The following TLN1 variants were observed in gnomAD, a reference collection of about 807,000 sequenced individuals.
The protein encoded by TLN1 is talin-1.
Under a neutral mutation model 292.3 loss-of-function variants are expected in TLN1, and 56 were observed. That is an observed-to-expected ratio of 0.19 (90% CI 0.15 to 0.24). The LOEUF is 0.24. Ranked by LOEUF, TLN1 falls within the 10% of genes least tolerant of loss-of-function variation. The pLI is 1.00. For synonymous variants in TLN1, 1,119 were observed against 1,253.7 expected (o/e 0.89, Z 2.27); for missense variants, 2,433 against 3,248.2 (o/e 0.75, Z 6.10).
chr9:35,714,157 G>T lies in TLN1; in HGVS notation c.3121-76C>A. Reference sequence around the variant, plus strand: ...AATGCCTCTGATTACACAATTATCTGCGTATTGGGTTATTCTGCACAGATT... The same window carrying T: ...AATGCCTCTGATTACACAATTATCTTCGTATTGGGTTATTCTGCACAGATT... On this transcript the variant is annotated intron_variant, in intron 24 of 56. Transcript: ENST00000314888. This position sits in a 1 kb window ranked among gnomAD's most constrained non-coding sequence, Gnocchi z 4.6. 6.2e-7 allele frequency: 1 copy of T among 1,602,918 alleles called. No homozygotes were observed. The highest frequency in any genetic ancestry group is 1.1e-5 in the South Asian group (1 of 90,486).
At chr9:35,709,704 C>A (rs1043411591) in intron 33 of TLN1, among the ~76,000 whole-genome samples, 1 of 142,974 alleles carries the variant, frequency 7.0e-6, no homozygotes, top group African/African-American at 2.6e-5. Context: ...CTGGCTAACA[C>A]GGTGAAACCC....
Position 35,714,852 on chromosome 9 carries a change from A to C in TLN1, c.2779T>G (p.Ser927Ala). 6.4e-7 allele frequency: 1 copy of C among 1,570,750 alleles called. No homozygotes were observed. Among genetic ancestry groups the C allele is most frequent in the Non-Finnish European group, 8.6e-7 (1 of 1,158,088 alleles). ...GCTGCAGCGATGGTCTGTGTGGCTG[A>C]GGCTGCAGCCTGCTTGGCTGCATGC... ...LEHAAKQAAA[S>A]ATQTIAAAQH... is the part of the protein sequence containing the mutation. The change falls in exon 22 of 57, where the codon TCA becomes GCA. Residue 927 changes from serine (S) to alanine (A), a missense_variant. By Grantham distance (99) the Ser-to-Ala change is moderately conservative (BLOSUM62 1). Coordinates refer to ENST00000314888, the MANE Select transcript of TLN1 (RefSeq NM_006289.4). This position sits in a 1 kb window ranked among gnomAD's most constrained non-coding sequence, Gnocchi z 4.6.
chr9:35,706,134 C>T lies in TLN1; in HGVS notation c.5362-23G>A. 2 of 1,613,318 alleles carry T rather than the reference C, an allele frequency of 1.2e-6. No homozygotes were observed. The highest frequency in any genetic ancestry group is 8.5e-7 in the Non-Finnish European group (1 of 1,179,506). On this transcript the variant is annotated intron_variant, in intron 40 of 56. Transcript: ENST00000314888. The surrounding 1 kb of genome is among the most constrained non-coding windows in gnomAD (Gnocchi z 4.2). ...TTGCTGTGGGGAGAGGAGAGGAGCT[C>T]TGTTGTTCCTGTTTCTCCAGCCTCC... is the stretch of plus-strand genomic sequence containing the variant.
Position 35,698,347 on chromosome 9 carries a change from G to C in TLN1, c.7347C>G (p.Asp2449Glu), listed in dbSNP as rs1825404181. The C allele has an allele frequency of 6.2e-7, 1 of 1,614,168 alleles. No individual in the cohort carries two copies. The highest frequency in any genetic ancestry group is 8.5e-7 in the Non-Finnish European group (1 of 1,180,040). Residue 2449 changes from aspartate to glutamate, a missense_variant, in exon 55 of 57, where the codon GAC becomes GAG. By Grantham distance (45) the Asp-to-Glu change is conservative (BLOSUM62 2). This residue lies in a region of TLN1 where 141 missense variants were observed against 248.5 expected (regional missense o/e 0.57). Transcript: ENST00000314888. The surrounding 1 kb of genome is among the most constrained non-coding windows in gnomAD (Gnocchi z 5.3). ...LVACKVKADQ[D>E]SEAMKRLQAA... ...CCTGAAGTCGTTTCATTGCCTCCGAGTCCTGGTCAGCCTTGACCTTGCAGG... is the reference window on the plus strand; with the variant it reads ...CCTGAAGTCGTTTCATTGCCTCCGACTCCTGGTCAGCCTTGACCTTGCAGG...
chr9:35,702,112 A>G (rs1716039372), intron 48 of TLN1, among the ~76,000 whole-genome samples: 1 of 152,136 alleles, frequency 6.6e-6, no homozygotes, highest in South Asian at 2.1e-4. Context: ...GGAACCAGGG[A>G]GGAGGAATGA....
chr9:35,719,048 C>T lies in TLN1; in HGVS notation c.1896+26G>A. 1 of 1,605,014 alleles carries T rather than the reference C, an allele frequency of 6.2e-7. No homozygotes were observed. Among genetic ancestry groups the T allele is most frequent in the Non-Finnish European group, 8.5e-7 (1 of 1,174,582 alleles). The stretch of plus-strand genomic sequence containing the variant: ...CCTTGGGCTTGAACCCTGTCTCCAC[C>T]CTAACCCAAACCTGTGGCCCCTGAC... On this transcript the variant is annotated intron_variant, in intron 16 of 56. Coordinates refer to ENST00000314888, the MANE Select transcript of TLN1 (RefSeq NM_006289.4). This position sits in a 1 kb window ranked among gnomAD's most constrained non-coding sequence, Gnocchi z 4.6.
chr9:35,724,978 G>C lies in TLN1; in HGVS notation c.229-19C>G, dbSNP rs765202791. 3 of 1,613,918 alleles carry C rather than the reference G, an allele frequency of 1.9e-6. No homozygotes were observed. The highest frequency in any genetic ancestry group is 3.3e-5 in the Admixed American group (2 of 60,030). On this transcript the variant is annotated intron_variant, in intron 3 of 56. Coordinates refer to ENST00000314888, the MANE Select transcript of TLN1 (RefSeq NM_006289.4). This position sits in a 1 kb window ranked among gnomAD's most constrained non-coding sequence, Gnocchi z 4.7. ...TAGTGTCCTGTTAGGGCAGGAAGAA[G>C]AGACAGGGGCCTACTCTGAGCTAGG...
In TLN1 at chr9:35,716,549, C is replaced by G. The variant is rs1337328248; in HGVS notation, c.2466G>C (p.Met822Ile). ...IFSSMGDAGEMVRQARILAQA... is the reference protein window; with the variant it reads ...IFSSMGDAGEIVRQARILAQA... ...GGGCCAGGATGCGGGCCTGTCGCACCATCTCCCCTGAGAGCATAGGGCACA... is the reference window on the plus strand; with the variant it reads ...GGGCCAGGATGCGGGCCTGTCGCACGATCTCCCCTGAGAGCATAGGGCACA... Residue 822 changes from methionine (M) to isoleucine (I), a missense_variant, in exon 20 of 57, where the codon ATG becomes ATC. This residue lies in a region of TLN1 where 617 missense variants were observed against 770.6 expected (regional missense o/e 0.80). Coordinates refer to ENST00000314888, the MANE Select transcript of TLN1 (RefSeq NM_006289.4). 1 of 1,613,974 alleles carries G rather than the reference C, an allele frequency of 6.2e-7. No individual in the cohort carries two copies. The highest frequency in any genetic ancestry group is 8.5e-7 in the Non-Finnish European group (1 of 1,179,940).
At position 35,697,730 on chromosome 9, in the gene TLN1, G is replaced by T; in HGVS notation, c.*61C>A. 6.3e-7 allele frequency: 1 copy of T among 1,594,130 alleles called. No individual in the cohort carries two copies. Among genetic ancestry groups the T allele is most frequent in the Non-Finnish European group, 8.6e-7 (1 of 1,168,972 alleles). On this transcript the variant is annotated 3_prime_UTR_variant, in exon 57 of 57. Transcript: ENST00000314888. ...CAGGTTGGGCCCCGACAGCCCAGAAGGCTTTGGTAGTGGCACGCACAGTCT... is the reference window on the plus strand; with the variant it reads ...CAGGTTGGGCCCCGACAGCCCAGAATGCTTTGGTAGTGGCACGCACAGTCT...
chr9:35,698,728 A>T lies in TLN1; in HGVS notation c.7126-49T>A. 1 of 1,614,084 alleles carries T rather than the reference A, an allele frequency of 6.2e-7. No homozygotes were observed. Among genetic ancestry groups the T allele is most frequent in the Non-Finnish European group, 8.5e-7 (1 of 1,180,016 alleles). On this transcript the variant is annotated intron_variant, in intron 53 of 56. Coordinates refer to ENST00000314888, the MANE Select transcript of TLN1 (RefSeq NM_006289.4). The surrounding 1 kb of genome is among the most constrained non-coding windows in gnomAD (Gnocchi z 5.3). The stretch of plus-strand genomic sequence containing the variant: ...TTAGACCTGCATTTTCCTCACTTCA[A>T]AGACTCGCTGGCTATGGATGTGGAT...
chr9:35,723,050 G>A (rs998018209), intron 7 of TLN1, 129 bp from the exon 8 acceptor site: 5 of 706,202 alleles, frequency 7.1e-6, no homozygotes, highest in Non-Finnish European at 1.2e-5. Flanking sequence ...AAAAGACTCT[G>A]AGGGAATAGA....
chr9:35,720,464 T>C lies in TLN1; in HGVS notation c.1252A>G (p.Thr418Ala), dbSNP rs1825861707. The C allele has an allele frequency of 3.7e-6, 6 of 1,614,146 alleles. No homozygotes were observed. Among genetic ancestry groups the C allele is most frequent in the East Asian group, 2.2e-5 (1 of 44,880 alleles). ...GGGGACACTGAGTCCTCCAGCATAGTAGACTCCTCATCTCCTTCCAGCCCA... is the reference window on the plus strand; with the variant it reads ...GGGGACACTGAGTCCTCCAGCATAGCAGACTCCTCATCTCCTTCCAGCCCA... ...HFGLEGDEESTMLEDSVSPKK... is the reference protein window; with the variant it reads ...HFGLEGDEESAMLEDSVSPKK... The change falls in exon 12 of 57, where the codon ACT becomes GCT. Residue 418 changes from threonine (T) to alanine (A), a missense_variant. Physicochemically the swap from Thr to Ala is moderately conservative, Grantham distance 58. Around this residue, in one of 7 missense-constraint regions of TLN1, gnomAD observed 617 missense variants for 770.6 expected, o/e 0.80. Coordinates refer to ENST00000314888, the MANE Select transcript of TLN1 (RefSeq NM_006289.4).
In TLN1 at chr9:35,699,061, C is replaced by T. The variant is rs750413519; in HGVS notation, c.6970G>A (p.Glu2324Lys). Residue 2324 changes from glutamate (E) to lysine (K), a missense_variant, in exon 52 of 57, where the codon GAG becomes AAG. By Grantham distance (56) the Glu-to-Lys change is moderately conservative. Around this residue, in one of 7 missense-constraint regions of TLN1, gnomAD observed 1,384 missense variants for 1,699.6 expected, o/e 0.81. Transcript: ENST00000314888. The surrounding 1 kb of genome is among the most constrained non-coding windows in gnomAD (Gnocchi z 4.0). ...AAIEAAAKKL[E>K]QLKPRAKPKE... ...GGTTTGGCCCGGGGCTTCAGCTGCT[C>T]TAGCTTTTTGGCTGCAGCCTCAATG... is the stretch of plus-strand genomic sequence containing the variant. The T allele has an allele frequency of 4.3e-6, 7 of 1,613,720 alleles. No homozygotes were observed. The highest frequency in any genetic ancestry group is 5.9e-6 in the Non-Finnish European group (7 of 1,179,846).
rs778146857 is a variant in TLN1, at chr9:35,713,242, G to A, written c.3306C>T (p.Ile1102=). 8.1e-6 allele frequency: 13 copies of A among 1,599,558 alleles called. No individual in the cohort carries two copies. Among genetic ancestry groups the A allele is most frequent in the East Asian group, 2.3e-5 (1 of 44,362 alleles). The change falls in exon 26 of 57, where the codon ATC becomes ATT. Residue 1102 remains isoleucine, a synonymous_variant. Coordinates refer to ENST00000314888, the MANE Select transcript of TLN1 (RefSeq NM_006289.4). ...GNSTKAVSSA[I]AQLLGEVAQG... ...GGGCAACCTCTCCCAGTAGCTGGGC[G>A]ATGGCTGAGCTCACGGCTTTGGTGC...
At position 35,703,668 on chromosome 9, in the gene TLN1, C is replaced by A; in HGVS notation, c.6366G>T (p.Val2122=). The A allele has an allele frequency of 6.2e-7, 1 of 1,614,196 alleles. No homozygotes were observed. Among genetic ancestry groups the A allele is most frequent in the South Asian group, 1.1e-5 (1 of 91,046 alleles). Residue 2122 remains valine (V), a synonymous_variant, in exon 48 of 57, where the codon GTG becomes GTT. Coordinates refer to ENST00000314888, the MANE Select transcript of TLN1 (RefSeq NM_006289.4). The stretch of plus-strand genomic sequence containing the variant: ...TCTTAAGCAATGATGTCACATTGGT[C>A]ACCATCACCTGGAGGTATCAGAGGA... The part of the protein sequence containing the change: ...WQLKNSAKVM[V]TNVTSLLKTV...
At position 35,700,302 on chromosome 9, in the gene TLN1, G is replaced by A. The variant is rs567897405; in HGVS notation, c.6549C>T (p.Thr2183=). Residue 2183 remains threonine, a synonymous_variant, in exon 49 of 57, where the codon ACC becomes ACT. Transcript: ENST00000314888. The part of the protein sequence containing the change: ...EDFIRMTKGI[T]MATAKAVAAG... ...CAGCAACGGCCTTGGCGGTTGCCAT[G>A]GTGATACCCTTGGTCATTCGGATGA... 9 of 1,613,580 alleles carry A rather than the reference G, an allele frequency of 5.6e-6. No individual in the cohort carries two copies. In the East Asian group the frequency reaches 8.9e-5, roughly 16 times the overall value.
chr9:35,703,845 C>G lies in TLN1; in HGVS notation c.6287G>C (p.Ser2096Thr), dbSNP rs753849020. The G allele has an allele frequency of 6.2e-7, 1 of 1,614,242 alleles. No homozygotes were observed. Among genetic ancestry groups the G allele is most frequent in the Admixed American group, 1.7e-5 (1 of 60,028 alleles). Reference protein sequence around the residue: ...DVAKALGDLISATKAAAGKVG... With the variant: ...DVAKALGDLITATKAAAGKVG... ...TTTGCCAGCTGCAGCCTTCGTTGCA[C>G]TGATGAGGTCTCCCAGGGCTTTGGC... Residue 2096 changes from serine to threonine, a missense_variant, in exon 47 of 57, where the codon AGT becomes ACT. By Grantham distance (58) the Ser-to-Thr change is moderately conservative. Coordinates refer to ENST00000314888, the MANE Select transcript of TLN1 (RefSeq NM_006289.4).
rs373116877 is a variant in TLN1 at position 35,697,747 on chromosome 9, G to A, written c.*44C>T. The A allele has an allele frequency of 1.4e-5, 22 of 1,607,108 alleles. No individual in the cohort carries two copies. The highest frequency in any genetic ancestry group is 6.7e-5 in the African/African-American group (5 of 74,816). ...GCCCAGAAGGCTTTGGTAGTGGCAC[G>A]CACAGTCTCTGGGCCGGGTCTGCAT... On this transcript the variant is annotated 3_prime_UTR_variant, in exon 57 of 57. Transcript: ENST00000314888.
intron 20 of TLN1, among the ~76,000 whole-genome samples, chr9:35,715,914 T>C (rs10814272): frequency 0.39 from 59,515 of 151,904 alleles, 11,968 homozygotes; most frequent in East Asian, 0.55. Flanking sequence ...TCCAAATAGC[T>C]AGGGGGAGGA....
Sources: gnomAD v4.1 joint callset for allele counts (sites outside exome capture counted in the v4.1 genomes callset) on GRCh38, gnomAD v4.1.1 for gene constraint, gnomAD v4.1.1 regional missense constraint, Gnocchi (gnomAD v3.1) non-coding constraint, MANE v1.5 for transcripts, NCBI Gene and HGNC (gene_info 2026-07-23, HGNC 2026-07-21) for gene names.